MSH3: variants seen among roughly 807,000 people sequenced by gnomAD.
MSH3 encodes the protein DNA mismatch repair protein Msh3.
MSH3 carries 106 observed loss-of-function variants against 123.3 expected under a neutral mutation model. The observed-to-expected ratio is 0.86, with a 90% CI of 0.73 to 1.01. The LOEUF (loss-of-function observed/expected upper bound fraction) is 1.01. Among genes scored for constraint, MSH3 ranks in the 50% least tolerant of loss-of-function variants. The pLI is 0.00. For missense variants in MSH3, 1,459 were observed against 1,347.6 expected (o/e 1.08, Z -1.29); for synonymous variants, 515 against 481.4 (o/e 1.07, Z -0.91).
chr5:80,672,296 C>T lies in MSH3; in HGVS notation c.845C>T (p.Thr282Ile), dbSNP rs202184623. Reference protein sequence around the residue: ...IYCHLDHNFMTASIPTHRLFV... With the variant: ...IYCHLDHNFMIASIPTHRLFV... ...TGCCATTTAGATCACAACTTTATGA[C>T]AGCAAGTATACCTACTCACAGACTG... Residue 282 changes from threonine (T) to isoleucine (I), a missense_variant, in exon 5 of 24, where the codon ACA (threonine) becomes ATA (isoleucine). Physicochemically the swap from Thr to Ile is moderately conservative, Grantham distance 89. Transcript: ENST00000265081. The T allele has an allele frequency of 7.4e-5, 119 of 1,613,918 alleles. No homozygotes were observed. Among genetic ancestry groups the T allele is most frequent in the Admixed American group, 1.2e-4 (7 of 60,004 alleles).
At position 80,755,004 on chromosome 5, in the gene MSH3, C is replaced by T. The variant is rs6151761; in HGVS notation, c.1764-6542C>T. 8.3e-3 allele frequency among the ~76,000 whole-genome samples: 1,265 copies of T among 152,262 alleles called. 18 individuals are homozygous for T. The highest frequency in any genetic ancestry group is 0.028 in the African/African-American group (1,163 of 41,550). On this transcript the variant is annotated intron_variant, in intron 12 of 23. Transcript: ENST00000265081. ...GTATTCTTTGTGGTTTCCCATGTTC[C>T]ATGAGCCAGCAACCGGGTGTTCACT...
In MSH3 at chr5:80,792,837, A is replaced by G. The variant is rs1315287122; in HGVS notation, c.2648A>G (p.Asp883Gly). The change falls in exon 19 of 24, where the codon GAT becomes GGT. Residue 883 changes from aspartate (D) to glycine (G), a missense_variant. Transcript: ENST00000265081. The part of the protein sequence containing the change: ...EQDQYVPNNT[D>G]LSEDSERVMI... ...GATCAATATGTCCCAAATAATACAG[A>G]TTTATCAGTAAGTACCTTATGCCAA... is the stretch of plus-strand genomic sequence containing the variant. 1.2e-6 allele frequency: 2 copies of G among 1,601,512 alleles called. No individual in the cohort carries two copies. The highest frequency in any genetic ancestry group is 1.3e-5 in the African/African-American group (1 of 74,768).
At chr5:80,873,454 A>G (rs1242401262) in intron 23 of MSH3, among the ~76,000 whole-genome samples, 167 bp downstream of exon 23, 1 of 152,214 alleles carries the variant, frequency 6.6e-6, no homozygotes, top group Non-Finnish European at 1.5e-5. Context: ...TGCAAAGCTC[A>G]GGTGAATTCA....
At chr5:80,801,409 A>T (rs2112037173) in intron 19 of MSH3, among the ~76,000 whole-genome samples, 1 of 152,258 alleles carries the variant, frequency 6.6e-6, no homozygotes, top group Non-Finnish European at 1.5e-5. Flanking sequence ...AGAGTGCCTG[A>T]TGTACAACTT....
At chr5:80,721,092 T>G (rs1436227887) in intron 8 of MSH3, among the ~76,000 whole-genome samples, 1 of 152,210 alleles carries the variant, frequency 6.6e-6, no homozygotes, top group East Asian at 1.9e-4. Flanking sequence ...TTTACAGAAT[T>G]TCAAATACAG....
intron 8 of MSH3, among the ~76,000 whole-genome samples, chr5:80,717,100 G>T (rs1183973162): frequency 6.6e-6 from 1 of 152,068 alleles, no homozygotes; most frequent in Admixed American, 6.6e-5. Context: ...TTCATTATCT[G>T]TTCATCCATT....
At chr5:80,775,612 T>C (rs1475297225) in intron 15 of MSH3, 82 bp from the exon 16 acceptor site, 2 of 804,842 alleles carry the variant, frequency 2.5e-6, no homozygotes, top group African/African-American at 3.5e-5. Flanking sequence ...ATATAATAAA[T>C]TGTTATACCA....
chr5:80,869,821 TATACATATATACATATATATACACACAC>T (rs1446855863), intron 22 of MSH3, among the ~76,000 whole-genome samples: 3 of 54,260 alleles, frequency 5.5e-5, no homozygotes, highest in African/African-American at 7.2e-5. Context: ...TACATATATA[TATACATATATACATATATATACACACAC>T]ACACACACAC....
rs555199253 is a variant in MSH3, at chr5:80,718,028, A to G, written c.1341-7425A>G. Among the ~76,000 whole-genome samples, 312 of 152,316 alleles carry G rather than the reference A, an allele frequency of 2.0e-3. 2 individuals carry two copies. The highest frequency in any genetic ancestry group is 7.2e-3 in the African/African-American group (300 of 41,576). On this transcript the variant is annotated intron_variant, in intron 8 of 23. Transcript: ENST00000265081. ...TTGTGTTTTATTTGAAAAAATTAAA[A>G]TATGGTACAAATATAAGAATATAAT...
chr5:80,820,518 G>A (rs1249189124), intron 20 of MSH3, among the ~76,000 whole-genome samples: 6 of 151,756 alleles, frequency 4.0e-5, no homozygotes, highest in African/African-American at 1.5e-4. Flanking sequence ...CCTATTCCTA[G>A]TACTAAGTAG....
chr5:80,725,570 A>C lies in MSH3; in HGVS notation c.1453+5A>C, dbSNP rs1743273324. 3 of 1,597,020 alleles carry C rather than the reference A, an allele frequency of 1.9e-6. No homozygotes were observed. Among genetic ancestry groups the C allele is most frequent in the Non-Finnish European group, 2.6e-6 (3 of 1,164,638 alleles). ...AAGATACAGTTGACATCAAAGGTAA[A>C]TATTTTCCCTGTATGTCCTCAAGTT... On this transcript the variant is annotated splice_donor_5th_base_variant and intron_variant, in intron 9 of 23. Transcript: ENST00000265081.
chr5:80,761,449 T>A (rs1201262410), intron 12 of MSH3, 97 bp from the exon 13 acceptor site: 4 of 1,440,760 alleles, frequency 2.8e-6, no homozygotes, highest in Non-Finnish European at 3.9e-6. Context: ...TTGTGCCTAA[T>A]AAGTGGCTGT....
chr5:80,810,058 G>A (rs908846413), intron 19 of MSH3, among the ~76,000 whole-genome samples: 17 of 151,354 alleles, frequency 1.1e-4, no homozygotes, highest in Non-Finnish European at 2.4e-4. Context: ...AAGGTCATAC[G>A]TAATTAACTG....
Position 80,670,227 on chromosome 5 carries a change from T to C in MSH3, c.710T>C (p.Ile237Thr), listed in dbSNP as rs1451728655. 6.2e-7 allele frequency: 1 copy of C among 1,614,132 alleles called. No homozygotes were observed. The highest frequency in any genetic ancestry group is 1.7e-5 in the Admixed American group (1 of 60,022). ...TATACGCCGCTAGAATTACAATACA[T>C]AGAAATGAAGCAGCAGCACAAAGAT... The part of the protein sequence containing the change: ...SIYTPLELQY[I>T]EMKQQHKDAV... Residue 237 changes from isoleucine to threonine, a missense_variant, in exon 4 of 24, where the codon ATA (isoleucine) becomes ACA (threonine). Physicochemically the swap from Ile to Thr is moderately conservative, Grantham distance 89. Coordinates refer to ENST00000265081, the MANE Select transcript of MSH3 (RefSeq NM_002439.5).
chr5:80,716,105 A>G (rs1473358695), intron 8 of MSH3, among the ~76,000 whole-genome samples: 1 of 152,200 alleles, frequency 6.6e-6, no homozygotes, highest in African/African-American at 2.4e-5. Flanking sequence ...AAAAGTGATC[A>G]TTCTGCCATT....
In MSH3 at chr5:80,775,662, T is replaced by C. The variant is rs756720334; in HGVS notation, c.2254-32T>C. On this transcript the variant is annotated intron_variant, in intron 15 of 23. Coordinates refer to ENST00000265081, the MANE Select transcript of MSH3 (RefSeq NM_002439.5). ...CTTTAAAATATATAATGGTTACTTATCTAAATCTCTGTTTATTTGTATTTG... is the reference window on the plus strand; with the variant it reads ...CTTTAAAATATATAATGGTTACTTACCTAAATCTCTGTTTATTTGTATTTG... 8 of 1,240,550 alleles carry C rather than the reference T, an allele frequency of 6.4e-6. No individual in the cohort carries two copies. In the South Asian group the frequency reaches 8.6e-5, roughly 13 times the overall value. The allele number at this position is 1,240,550 out of a possible 1,614,324, so 76.8% of individuals were successfully genotyped here.
At chr5:80,739,150 A>G (rs1580595782) in intron 10 of MSH3, among the ~76,000 whole-genome samples, 2 of 152,370 alleles carry the variant, frequency 1.3e-5, no homozygotes, top group African/African-American at 4.8e-5. Context: ...CATGTTAACT[A>G]GTCACCCCTA....
In MSH3 at chr5:80,665,379, A is replaced by G. The variant is rs2112809016; in HGVS notation, c.579+16A>G. The stretch of plus-strand genomic sequence containing the variant: ...TAATCAAAAGGTATGTAACTGCTAT[A>G]GATGAGTATCCAGTTACCTAGAATA... On this transcript the variant is annotated intron_variant, in intron 3 of 23. Coordinates refer to ENST00000265081, the MANE Select transcript of MSH3 (RefSeq NM_002439.5). 1 of 1,578,258 alleles carries G rather than the reference A, an allele frequency of 6.3e-7. No individual in the cohort carries two copies. The highest frequency in any genetic ancestry group is 2.2e-5 in the East Asian group (1 of 44,650).
chr5:80,711,232 C>G (rs896530618), intron 8 of MSH3, among the ~76,000 whole-genome samples: 2 of 152,192 alleles, frequency 1.3e-5, no homozygotes, highest in Non-Finnish European at 2.9e-5. Context: ...CCATGGAGTT[C>G]CCATAGTGGG....
Sources: gnomAD v4.1 joint callset for allele counts (sites outside exome capture counted in the v4.1 genomes callset) on GRCh38, gnomAD v4.1.1 for gene constraint, MANE v1.5 for transcripts, NCBI Gene and HGNC (gene_info 2026-07-23, HGNC 2026-07-21) for gene names.